Variants in GABBR1 observed in about 807,000 individuals in gnomAD.
GABBR1 encodes GABA-B receptor, R1 subunit.
Under a neutral mutation model 117.7 loss-of-function variants are expected in GABBR1, and 35 were observed. The observed-to-expected ratio is 0.30, with a 90% CI of 0.23 to 0.39. The LOEUF is 0.39. GABBR1 is among the 10% of genes least tolerant of loss of function. The probability of loss-of-function intolerance (pLI) is 1.00; values close to 1 mark genes in which losing one functional copy is unlikely to be tolerated. For missense variants in GABBR1, 709 were observed against 1,241.8 expected (o/e 0.57, Z 6.45); for synonymous variants, 442 against 486.6 (o/e 0.91, Z 1.21).
chr6:29,627,123 T>A lies in GABBR1; in HGVS notation c.657+363A>T, dbSNP rs1764350040. Among the ~76,000 whole-genome samples the A allele has an allele frequency of 6.6e-6, 1 of 152,020 alleles. No homozygotes were observed. Among genetic ancestry groups the A allele is most frequent in the Admixed American group, 6.5e-5 (1 of 15,268 alleles). On this transcript the variant is annotated intron_variant, in intron 6 of 22. Transcript: ENST00000377034. The surrounding 1 kb of genome is among the most constrained non-coding windows in gnomAD (Gnocchi z 4.4). Reference sequence around the variant, plus strand: ...CCAGCTCCCCACCTCTGACATTCCCTCCACCCCCAACCCATTCCAGGGTTA... The same window carrying A: ...CCAGCTCCCCACCTCTGACATTCCCACCACCCCCAACCCATTCCAGGGTTA...
Position 29,622,638 on chromosome 6 carries a change from G to A in GABBR1, c.964-433C>T, listed in dbSNP as rs954575548. On this transcript the variant is annotated intron_variant, in intron 8 of 22. Coordinates refer to ENST00000377034, the MANE Select transcript of GABBR1 (RefSeq NM_001470.4). This position sits in a 1 kb window ranked among gnomAD's most constrained non-coding sequence, Gnocchi z 4.6. Reference sequence around the variant, plus strand: ...AGTGAAAGTGGGGGAGGATTAAAGGGCCACTGAACACAGTGGATAGAAGAC... The same window carrying A: ...AGTGAAAGTGGGGGAGGATTAAAGGACCACTGAACACAGTGGATAGAAGAC... The A allele has an allele frequency of 5.4e-6, 1 of 185,946 alleles. No homozygotes were observed. The highest frequency in any genetic ancestry group is 2.3e-5 in the African/African-American group (1 of 42,782). The allele number at this position is 185,946 out of a possible 1,614,324, so 11.5% of individuals were successfully genotyped here.
At chr6:29,608,501 A>G in intron 16 of GABBR1, 100 bp downstream of exon 16, 7 of 1,268,228 alleles carry the variant, frequency 5.5e-6, no homozygotes, top group African/African-American at 1.5e-5. Context: ...AGTCAGGGAA[A>G]GCTGAGGAGG....
At position 29,603,315 on chromosome 6, in the gene GABBR1, G is replaced by A. The variant is rs775273161; in HGVS notation, c.*228C>T. On this transcript the variant is annotated 3_prime_UTR_variant, in exon 23 of 23. Transcript: ENST00000377034. Reference sequence around the variant, plus strand: ...CCAGGTACGAACTAAATTGTGAAGAGGTGATACAAAATTACATGAAGCAGT... The same window carrying A: ...CCAGGTACGAACTAAATTGTGAAGAAGTGATACAAAATTACATGAAGCAGT... 1.4e-6 allele frequency: 1 copy of A among 697,184 alleles called. No individual in the cohort carries two copies. The highest frequency in any genetic ancestry group is 2.6e-6 in the Non-Finnish European group (1 of 380,518). 43.2% of individuals were successfully genotyped at this position (697,184 alleles called of 1,614,324 possible). A position where few individuals can be genotyped will look rare whatever the true frequency, so the allele number is the denominator to read the frequency against.
intron 5 of GABBR1, chr6:29,628,251 C>T: frequency 1.1e-6 from 1 of 893,494 alleles, no homozygotes; most frequent in Non-Finnish European, 1.3e-6. Context: ...AGGGATCTCA[C>T]TTAAGGGGAC....
chr6:29,603,153 T>C lies in GABBR1; in HGVS notation c.*390A>G. On this transcript the variant is annotated 3_prime_UTR_variant, in exon 23 of 23. Transcript: ENST00000377034. The stretch of plus-strand genomic sequence containing the variant: ...GAAAGAGCACTTGTTGGGAGACCCC[T>C]GCTGGACAGGAACAGAGCACAAAGG... 1 of 474,502 alleles carries C rather than the reference T, an allele frequency of 2.1e-6. No homozygotes were observed. Among genetic ancestry groups the C allele is most frequent in the South Asian group, 1.5e-5 (1 of 64,716 alleles). The allele number at this position is 474,502 out of a possible 1,614,324, so 29.4% of individuals were successfully genotyped here.
At chr6:29,617,590 G>A (rs1203323638) in intron 11 of GABBR1, among the ~76,000 whole-genome samples, 2 of 152,112 alleles carry the variant, frequency 1.3e-5, no homozygotes, top group African/African-American at 2.4e-5. Flanking sequence ...GTGAGCCACC[G>A]CGCCCAGCCT....
At chr6:29,616,930 G>A (rs1221180460) in intron 11 of GABBR1, among the ~76,000 whole-genome samples, 4 of 142,496 alleles carry the variant, frequency 2.8e-5, no homozygotes, top group African/African-American at 5.2e-5. Flanking sequence ...GGCGGATCAC[G>A]AGGTCAGGAG....
At chr6:29,608,002 G>A (rs1471988223) in intron 16 of GABBR1, among the ~76,000 whole-genome samples, 2 of 152,234 alleles carry the variant, frequency 1.3e-5, no homozygotes, top group African/African-American at 2.4e-5. Flanking sequence ...CAGAGCAGAG[G>A]AAAAAGAGAG....
At position 29,606,491 on chromosome 6, in the gene GABBR1, C is replaced by T. The variant is rs1159633821; in HGVS notation, c.2218-7G>A. ...GTTCCTCCTTGGCAAATGTCTAGGG[C>T]AGAAACAAGGTCACAAGAAAGATGG... On this transcript the variant is annotated splice_region_variant and splice_polypyrimidine_tract_variant and intron_variant, in intron 18 of 22. Coordinates refer to ENST00000377034, the MANE Select transcript of GABBR1 (RefSeq NM_001470.4). This position sits in a 1 kb window ranked among gnomAD's most constrained non-coding sequence, Gnocchi z 4.5. 2.5e-6 allele frequency: 4 copies of T among 1,594,874 alleles called. No homozygotes were observed. Among genetic ancestry groups the T allele is most frequent in the South Asian group, 1.1e-5 (1 of 90,728 alleles).
At position 29,607,930 on chromosome 6, in the gene GABBR1, G is replaced by A. The variant is rs1175346223; in HGVS notation, c.1992+671C>T. Among the ~76,000 whole-genome samples, 1 of 152,220 alleles carries A rather than the reference G, an allele frequency of 6.6e-6. No homozygotes were observed. The highest frequency in any genetic ancestry group is 1.9e-4 in the East Asian group (1 of 5,194). On this transcript the variant is annotated intron_variant, in intron 16 of 22. Transcript: ENST00000377034. The surrounding 1 kb of genome is among the most constrained non-coding windows in gnomAD (Gnocchi z 5.0). ...GCCTCACTGGGAACAGAGGATTCCT[G>A]ATGAACTGCATGTGCATGTGCATGG... is the stretch of plus-strand genomic sequence containing the variant.
At position 29,611,411 on chromosome 6, in the gene GABBR1, T is replaced by C. The variant is rs2127405694; in HGVS notation, c.1631-410A>G. Among the ~76,000 whole-genome samples the C allele has an allele frequency of 6.6e-6, 1 of 152,352 alleles. No homozygotes were observed. Among genetic ancestry groups the C allele is most frequent in the African/African-American group, 2.4e-5 (1 of 41,580 alleles). On this transcript the variant is annotated intron_variant, in intron 13 of 22. Coordinates refer to ENST00000377034, the MANE Select transcript of GABBR1 (RefSeq NM_001470.4). This position sits in a 1 kb window ranked among gnomAD's most constrained non-coding sequence, Gnocchi z 4.6. Reference sequence around the variant, plus strand: ...TTCCCAGTGGCTTTCATTTTAATTTTAGAACATTCTCTTCTGTTGGCTTGG... The same window carrying C: ...TTCCCAGTGGCTTTCATTTTAATTTCAGAACATTCTCTTCTGTTGGCTTGG...
intron 14 of GABBR1, 33 bp downstream of exon 14, chr6:29,610,891 G>T: frequency 1.3e-6 from 2 of 1,570,872 alleles, no homozygotes; most frequent in Non-Finnish European, 1.8e-6. Flanking sequence ...TGTCGAGAGG[G>T]GCTGAAGGAA....
chr6:29,617,301 CTTTTTT>C (rs373993426), intron 11 of GABBR1, among the ~76,000 whole-genome samples: 5,716 of 119,860 alleles, frequency 0.048, 177 homozygotes, highest in East Asian at 0.14. Context: ...TTCTTTCTTT[CTTTTTT>C]TTTTTTTTTT....
In GABBR1 at chr6:29,605,097, T is replaced by C. The variant is rs1485302606; in HGVS notation, c.2440-109A>G. 8.3e-7 allele frequency: 1 copy of C among 1,204,066 alleles called. No homozygotes were observed. The highest frequency in any genetic ancestry group is 1.5e-5 in the African/African-American group (1 of 65,630). 74.6% of individuals were successfully genotyped at this position (1,204,066 alleles called of 1,614,324 possible). ...ATGCAGACAGTTTCCTGGTGAACTT[T>C]CCCTTTGAAAAGGATCCAAATTCAG... On this transcript the variant is annotated intron_variant, in intron 20 of 22. Transcript: ENST00000377034. This position sits in a 1 kb window ranked among gnomAD's most constrained non-coding sequence, Gnocchi z 4.2.
chr6:29,630,416 A>T lies in GABBR1; in HGVS notation c.475+42T>A. On this transcript the variant is annotated intron_variant, in intron 4 of 22. Coordinates refer to ENST00000377034, the MANE Select transcript of GABBR1 (RefSeq NM_001470.4). The surrounding 1 kb of genome is among the most constrained non-coding windows in gnomAD (Gnocchi z 4.9). ...TCCCACCCCACTCCCATCCTCACACAAGCGTCCTCATCAGCTGCATGCAGG... is the reference window on the plus strand; with the variant it reads ...TCCCACCCCACTCCCATCCTCACACTAGCGTCCTCATCAGCTGCATGCAGG... 1 of 1,560,788 alleles carries T rather than the reference A, an allele frequency of 6.4e-7. No individual in the cohort carries two copies. The highest frequency in any genetic ancestry group is 8.8e-7 in the Non-Finnish European group (1 of 1,135,374).
At position 29,606,650 on chromosome 6, in the gene GABBR1, G is replaced by A; in HGVS notation, c.2218-166C>T. The A allele has an allele frequency of 1.5e-6, 1 of 646,386 alleles. No individual in the cohort carries two copies. Among genetic ancestry groups the A allele is most frequent in the Admixed American group, 2.6e-5 (1 of 38,716 alleles). The allele number at this position is 646,386 out of a possible 1,614,324, so 40.0% of individuals were successfully genotyped here. A position where few individuals can be genotyped will look rare whatever the true frequency, so the allele number is the denominator to read the frequency against. ...TTTTCCTGAACCCTTGGAGGTGCTT[G>A]TTCCCCACTTTCCCTGATGCCTGGA... is the stretch of plus-strand genomic sequence containing the variant. On this transcript the variant is annotated intron_variant, in intron 18 of 22. Transcript: ENST00000377034. The surrounding 1 kb of genome is among the most constrained non-coding windows in gnomAD (Gnocchi z 4.5).
rs113441182 is a variant in GABBR1, at chr6:29,605,753, A to T, written c.2312-57T>A. 24 of 1,587,616 alleles carry T rather than the reference A, an allele frequency of 1.5e-5. No individual in the cohort carries two copies. In the African/African-American group the frequency reaches 2.0e-4, roughly 13 times the overall value. The stretch of plus-strand genomic sequence containing the variant: ...CAAGGACCACAATGCTCCTCACTCA[A>T]TCCCCATCCCCTCTCTGCCCTTCAC... On this transcript the variant is annotated intron_variant, in intron 19 of 22. Transcript: ENST00000377034. This position sits in a 1 kb window ranked among gnomAD's most constrained non-coding sequence, Gnocchi z 4.2.
intron 22 of GABBR1, 127 bp from the exon 23 acceptor site, chr6:29,603,843 AG>A (rs1761668633): frequency 3.5e-6 from 2 of 571,874 alleles, no homozygotes; most frequent in Non-Finnish European, 5.6e-6. Context: ...GGGAGGACGT[AG>A]GGTAAGTGGA....
intron 11 of GABBR1, among the ~76,000 whole-genome samples, chr6:29,619,885 A>C (rs1176686665): frequency 6.6e-6 from 1 of 152,236 alleles, no homozygotes; most frequent in Admixed American, 6.5e-5. Flanking sequence ...CATAGAGTCC[A>C]TTTAGAATGT....
Sources: allele counts gnomAD v4.1 joint callset (sites outside exome capture counted in the v4.1 genomes callset), GRCh38; gene constraint gnomAD v4.1.1; non-coding constraint Gnocchi (gnomAD v3.1); transcripts MANE v1.5; gene names NCBI Gene and HGNC (gene_info 2026-07-23, HGNC 2026-07-21).